REC114: variants seen among roughly 807,000 people sequenced by gnomAD.
REC114 encodes REC114 meiotic recombination protein, also known as meiotic recombination protein REC114.
Under a neutral mutation model 31.3 loss-of-function variants are expected in REC114, and 27 were observed. The observed-to-expected ratio is 0.86, with a 90% confidence interval of 0.64 to 1.19. REC114 has a LOEUF of 1.19. Ranked by LOEUF, REC114 falls within the 50% of genes most tolerant of loss-of-function variation. The probability of loss-of-function intolerance (pLI) is 0.00; values close to 1 mark genes in which losing one functional copy is unlikely to be tolerated. For synonymous variants in REC114, 134 were observed against 127.7 expected, an observed-to-expected ratio of 1.05 and a Z score of -0.33; for missense variants, 344 against 326.9, an observed-to-expected ratio of 1.05 and a Z score of -0.40.
chr15:73,524,045 A>G (rs953299799), intron 2 of REC114, among the ~76,000 whole-genome samples: 2 of 152,230 alleles, frequency 1.3e-5, no homozygotes, highest in African/African-American at 4.8e-5. Flanking sequence ...ATTGTGAAAA[A>G]TCTATACAAG....
At chr15:73,526,278 C>T (rs1595877630) in intron 2 of REC114, among the ~76,000 whole-genome samples, 1 of 152,088 alleles carries the variant, frequency 6.6e-6, no homozygotes, top group African/African-American at 2.4e-5. Flanking sequence ...TTCTGACAAC[C>T]TCTTTTCAGG....
chr15:73,492,709 T>G (rs376334947), intron 2 of REC114, among the ~76,000 whole-genome samples: 95 of 152,348 alleles, frequency 6.2e-4, no homozygotes, highest in African/African-American at 2.3e-3. Context: ...TATGCTTTGG[T>G]AGGTATTGCT....
intron 2 of REC114, among the ~76,000 whole-genome samples, chr15:73,487,543 G>C (rs1473566100): frequency 6.6e-5 from 10 of 152,242 alleles, no homozygotes. Context: ...ATTAAGTCTT[G>C]AGAGTAATCT....
chr15:73,466,245 GT>G (rs931987195), intron 1 of REC114, among the ~76,000 whole-genome samples: 17 of 151,356 alleles, frequency 1.1e-4, no homozygotes, highest in African/African-American at 4.1e-4. Context: ...AATAAGTGAA[GT>G]TTTTTTAAGT....
At chr15:73,554,182 T>C (rs1313267248) in intron 4 of REC114, among the ~76,000 whole-genome samples, 2 of 152,194 alleles carry the variant, frequency 1.3e-5, no homozygotes, top group Non-Finnish European at 2.9e-5. Flanking sequence ...GCAGAGCAGA[T>C]GATAAGTTAA....
chr15:73,551,211 C>T (rs1321513613), intron 4 of REC114, 61 bp downstream of exon 4: 3 of 1,433,516 alleles, frequency 2.1e-6, no homozygotes, highest in Non-Finnish European at 2.9e-6. Flanking sequence ...CAATGAGTGG[C>T]CAAAATGACA....
chr15:73,559,579 A>C (rs986712805), intron 5 of REC114, among the ~76,000 whole-genome samples, 173 bp from the exon 6 acceptor site: 1 of 152,236 alleles, frequency 6.6e-6, no homozygotes, highest in African/African-American at 2.4e-5. Context: ...TAATATACAA[A>C]ATTGTAAATG....
chr15:73,546,768 T>G (rs1894314627), intron 3 of REC114, among the ~76,000 whole-genome samples: 2 of 148,448 alleles, frequency 1.3e-5, no homozygotes, highest in Non-Finnish European at 3.0e-5. Flanking sequence ...GAGCCGAGAT[T>G]GTGTCATTGC....
At chr15:73,443,951 C>T (rs1469609096) in intron 1 of REC114, among the ~76,000 whole-genome samples, 6 of 152,144 alleles carry the variant, frequency 3.9e-5, no homozygotes, top group South Asian at 2.1e-4. Flanking sequence ...AAGCAAGTTA[C>T]GACCTTTTTG....
intron 4 of REC114, among the ~76,000 whole-genome samples, chr15:73,553,121 A>G (rs1894414845): frequency 1.3e-5 from 2 of 152,072 alleles, no homozygotes; most frequent in African/African-American, 4.8e-5. Context: ...AGCTGTCACT[A>G]AGTTTCTTGT....
intron 3 of REC114, among the ~76,000 whole-genome samples, chr15:73,548,641 A>G (rs184859854): frequency 5.0e-4 from 76 of 152,306 alleles, no homozygotes; most frequent in Admixed American, 2.0e-3. Flanking sequence ...CAGTGTGGCA[A>G]TTCCTCAAAG....
intron 5 of REC114, among the ~76,000 whole-genome samples, chr15:73,558,780 A>C (rs1894517702): frequency 6.6e-6 from 1 of 152,346 alleles, no homozygotes; most frequent in African/African-American, 2.4e-5. Context: ...ATATACACTC[A>C]CCACATGACT....
chr15:73,557,579 T>G (rs1894490996), intron 5 of REC114, among the ~76,000 whole-genome samples: 1 of 152,206 alleles, frequency 6.6e-6, no homozygotes, highest in Non-Finnish European at 1.5e-5. Context: ...AAATTATTTG[T>G]CCAGCAGCAG....
intron 2 of REC114, among the ~76,000 whole-genome samples, chr15:73,485,584 G>C (rs529167135): frequency 1.3e-5 from 2 of 152,204 alleles, no homozygotes; most frequent in South Asian, 2.1e-4. Context: ...GTGAGTTCTC[G>C]TGAGATCTGG....
chr15:73,510,372 A>C (rs1203121114), intron 2 of REC114, among the ~76,000 whole-genome samples: 3 of 152,186 alleles, frequency 2.0e-5, no homozygotes, highest in African/African-American at 7.2e-5. Flanking sequence ...TAGATATACA[A>C]TCATGTCGTC....
chr15:73,535,973 A>G (rs1277204886), intron 2 of REC114, among the ~76,000 whole-genome samples: 1 of 149,836 alleles, frequency 6.7e-6, no homozygotes, highest in African/African-American at 2.5e-5. Flanking sequence ...GGCTAGCCAT[A>G]TGTAGAAAGC....
intron 2 of REC114, among the ~76,000 whole-genome samples, chr15:73,481,650 C>CT (rs530704232): frequency 0.023 from 2,667 of 113,994 alleles, 280 homozygotes; most frequent in African/African-American, 0.03. Flanking sequence ...TCTTAACTCC[C>CT]TTTTTTTTTT....
At chr15:73,534,251 T>A (rs1894125078) in intron 2 of REC114, among the ~76,000 whole-genome samples, 1 of 152,112 alleles carries the variant, frequency 6.6e-6, no homozygotes, top group Non-Finnish European at 1.5e-5. Context: ...AGGAGCTGGT[T>A]TTTTGAAAGG....
chr15:73,470,373 G>A (rs555847695), intron 1 of REC114, among the ~76,000 whole-genome samples: 22 of 152,230 alleles, frequency 1.4e-4, no homozygotes, highest in African/African-American at 5.1e-4. Flanking sequence ...GGAGATCTTA[G>A]TTTTTATCTG....
Sources: allele counts gnomAD v4.1 joint callset (sites outside exome capture counted in the v4.1 genomes callset), GRCh38; gene constraint gnomAD v4.1.1; transcripts MANE v1.5; gene names NCBI Gene and HGNC (gene_info 2026-07-23, HGNC 2026-07-21).